GRID2: variants seen among roughly 807,000 people sequenced by gnomAD.
GRID2 encodes the protein glutamate ionotropic receptor delta type subunit 2, also known as glutamate receptor ionotropic, delta-2.
In GRID2, 33 loss-of-function variants were observed where a neutral mutation model predicts 114.8. The observed-to-expected ratio is 0.29, with a 90% CI of 0.22 to 0.38. The LOEUF (loss-of-function observed/expected upper bound fraction) is 0.38. GRID2 is among the 10% of genes least tolerant of loss of function. The pLI, the probability that GRID2 is intolerant of heterozygous loss-of-function variation, is 1.00. For missense variants in GRID2, 1,184 were observed against 1,257.7 expected (o/e 0.94, Z 0.89); for synonymous variants, 505 against 449.9 (o/e 1.12, Z -1.55).
At chr4:93,503,476 TC>T (rs1471857992) in intron 12 of GRID2, among the ~76,000 whole-genome samples, 1 of 95,434 alleles carries the variant, frequency 1.0e-5, no homozygotes, top group Non-Finnish European at 2.1e-5. Context: ...CCCTCTCCCC[TC>T]CCCCCACCCC....
chr4:92,806,599 C>T (rs1740426921), intron 2 of GRID2, among the ~76,000 whole-genome samples: 1 of 151,216 alleles, frequency 6.6e-6, no homozygotes, highest in Non-Finnish European at 1.5e-5. Flanking sequence ...TAATTAGGAC[C>T]TAAGATATAT....
At chr4:93,120,824 G>A (rs1266572033) in intron 4 of GRID2, among the ~76,000 whole-genome samples, 2 of 151,976 alleles carry the variant, frequency 1.3e-5, no homozygotes, top group South Asian at 2.1e-4. Flanking sequence ...ATGGTGGCGG[G>A]CACCTGTAGT....
At chr4:93,559,825 A>C (rs1028426615) in intron 13 of GRID2, among the ~76,000 whole-genome samples, 1 of 152,226 alleles carries the variant, frequency 6.6e-6, no homozygotes, top group Admixed American at 6.5e-5. Context: ...ACTTGGAACC[A>C]ACCCAAATGC....
At chr4:93,063,919 T>A (rs1728029931) in intron 2 of GRID2, among the ~76,000 whole-genome samples, 1 of 151,426 alleles carries the variant, frequency 6.6e-6, no homozygotes, top group Non-Finnish European at 1.5e-5. Context: ...TCTAAATATA[T>A]TTTGTTTAAA....
chr4:93,121,155 T>A (rs1367455861), intron 4 of GRID2, among the ~76,000 whole-genome samples: 1 of 151,818 alleles, frequency 6.6e-6, no homozygotes, highest in Non-Finnish European at 1.5e-5. Context: ...AAATGACACA[T>A]TTTTTTCTAA....
intron 4 of GRID2, among the ~76,000 whole-genome samples, chr4:93,205,843 C>G (rs62310360): frequency 3.9e-5 from 6 of 152,120 alleles, no homozygotes; most frequent in East Asian, 3.9e-4. Flanking sequence ...TTTTAATGAT[C>G]GCCATTCTAA....
intron 1 of GRID2, among the ~76,000 whole-genome samples, chr4:92,456,300 T>G (rs1304660957): frequency 6.6e-6 from 1 of 152,138 alleles, no homozygotes; most frequent in Non-Finnish European, 1.5e-5. Flanking sequence ...ATTATTCCTT[T>G]AGGATCTTGT....
intron 2 of GRID2, among the ~76,000 whole-genome samples, chr4:92,684,036 A>G (rs1733781283): frequency 6.6e-6 from 1 of 152,008 alleles, no homozygotes. Context: ...AATGCAATCA[A>G]TGGATAAAAT....
chr4:93,524,805 A>ATGTATG (rs1730692333), intron 13 of GRID2, among the ~76,000 whole-genome samples: 2 of 77,904 alleles, frequency 2.6e-5, no homozygotes, highest in South Asian at 4.9e-4. Flanking sequence ...ATATATATAT[A>ATGTATG]TATATATATG....
At chr4:92,754,477 A>G (rs1479553077) in intron 2 of GRID2, among the ~76,000 whole-genome samples, 2 of 152,166 alleles carry the variant, frequency 1.3e-5, no homozygotes, top group African/African-American at 4.8e-5. Context: ...CAAATCTTTC[A>G]GTAACTTACA....
chr4:92,919,505 C>T lies in GRID2; in HGVS notation c.245-165490C>T, dbSNP rs1034519520. On this transcript the variant is annotated intron_variant, in intron 2 of 15. Transcript: ENST00000282020. ...TGGGCATTTAGTGCTATAAGTTTCC[C>T]TCTACACACTGCTTTGAATGTGTCC... Among the ~76,000 whole-genome samples the T allele has an allele frequency of 4.6e-5, 7 of 152,272 alleles. No homozygotes were observed. The East Asian group carries it at 1.4e-3, about 29-fold the overall frequency.
chr4:93,264,031 T>C (rs1298068161), intron 8 of GRID2, among the ~76,000 whole-genome samples: 3 of 152,302 alleles, frequency 2.0e-5, no homozygotes, highest in African/African-American at 7.2e-5. Flanking sequence ...CCATTCTTGC[T>C]GAACTTGTCT....
intron 2 of GRID2, among the ~76,000 whole-genome samples, chr4:92,844,368 G>A (rs957803748): frequency 1.1e-4 from 17 of 151,984 alleles, no homozygotes; most frequent in East Asian, 3.9e-4. Flanking sequence ...GTGAAACCCC[G>A]TCTCTGCTAA....
chr4:93,455,710 A>C lies in GRID2; in HGVS notation c.1594A>C (p.Asn532His), dbSNP rs1723122937. The C allele has an allele frequency of 6.2e-7, 1 of 1,613,158 alleles. No homozygotes were observed. Among genetic ancestry groups the C allele is most frequent in the Non-Finnish European group, 8.5e-7 (1 of 1,179,282 alleles). Residue 532 changes from asparagine (N) to histidine (H), a missense_variant, in exon 11 of 16, where the codon AAT becomes CAT. Asn to His is a moderately conservative substitution (Grantham distance 68, BLOSUM62 1). Transcript: ENST00000282020. ...SALTITPDRENVVDFTTRYMD... is the reference protein window; with the variant it reads ...SALTITPDREHVVDFTTRYMD... ...TTTAACCATCACTCCAGATCGTGAA[A>C]ATGTGGTGGACTTTACGACACGTTA... is the stretch of plus-strand genomic sequence containing the variant.
chr4:92,304,646 C>T lies in GRID2; in HGVS notation c.-11C>T, dbSNP rs767195940. ...AAAATCCATCCTCCAAGAGAATCGG[C>T]ATAGGAGGAGATGGAAGTTTTCCCC... On this transcript the variant is annotated 5_prime_UTR_variant, in exon 1 of 16. Transcript: ENST00000282020. 3 of 1,590,182 alleles carry T rather than the reference C, an allele frequency of 1.9e-6. No individual in the cohort carries two copies. The Admixed American group carries it at 5.0e-5, about 27-fold the overall frequency.
intron 1 of GRID2, among the ~76,000 whole-genome samples, chr4:92,336,419 C>T (rs979724235): frequency 2.0e-5 from 3 of 152,100 alleles, no homozygotes; most frequent in African/African-American, 7.2e-5. Flanking sequence ...CTGTCCATTC[C>T]TCCACATTTC....
chr4:92,515,721 T>C (rs2149135300), intron 1 of GRID2, among the ~76,000 whole-genome samples: 1 of 152,118 alleles, frequency 6.6e-6, no homozygotes, highest in Middle Eastern at 3.4e-3. Flanking sequence ...TTATGTGATA[T>C]TTATTGAGTA....
chr4:93,212,066 A>C (rs1743559497), intron 5 of GRID2, among the ~76,000 whole-genome samples: 1 of 152,210 alleles, frequency 6.6e-6, no homozygotes, highest in Non-Finnish European at 1.5e-5. Flanking sequence ...AAGAAAAAAA[A>C]AACATGGATT....
chr4:93,615,183 G>C (rs1361144457), intron 13 of GRID2, among the ~76,000 whole-genome samples: 1 of 152,056 alleles, frequency 6.6e-6, no homozygotes, highest in African/African-American at 2.4e-5. Context: ...ATTAGTTCCA[G>C]CTCTCCAAAA....
Sources: gnomAD v4.1 joint callset for allele counts (sites outside exome capture counted in the v4.1 genomes callset) on GRCh38, gnomAD v4.1.1 for gene constraint, MANE v1.5 for transcripts, NCBI Gene and HGNC (gene_info 2026-07-23, HGNC 2026-07-21) for gene names.